Variants in TYW1 observed in about 807,000 individuals in gnomAD.
The protein encoded by TYW1 is tRNA-yW synthesizing protein 1 homolog, also known as S-adenosyl-L-methionine-dependent tRNA 4-demethylwyosine synthase TYW1.
In TYW1, 46 loss-of-function variants were observed where a neutral mutation model predicts 96.2. That is an observed-to-expected ratio of 0.48 (90% CI 0.38 to 0.61). The LOEUF (loss-of-function observed/expected upper bound fraction) is 0.61. TYW1 is among the 20% of genes least tolerant of loss of function. TYW1 has a pLI of 0.00. For synonymous variants in TYW1, 274 were observed against 323.0 expected (o/e 0.85, Z 1.63); for missense variants, 684 against 909.6 (o/e 0.75, Z 3.19).
Position 67,120,806 on chromosome 7 carries a change from G to A in TYW1, c.1698+3188G>A, listed in dbSNP as rs1036273537. 5.9e-5 allele frequency among the ~76,000 whole-genome samples: 9 copies of A among 152,308 alleles called. No homozygotes were observed. The East Asian group carries it at 1.5e-3, about 26-fold the overall frequency. ...TTACCTCAAAGTCACTAGCCTTTGG[G>A]TGATGAATTCAATTGTAATTACTTT... On this transcript the variant is annotated intron_variant, in intron 13 of 15. Transcript: ENST00000359626.
chr7:67,166,333 A>ATATATAATATATATTATATAT (rs1563051222), intron 13 of TYW1, among the ~76,000 whole-genome samples: 2 of 126,702 alleles, frequency 1.6e-5, no homozygotes, highest in Admixed American at 1.6e-4. Flanking sequence ...AACATATATA[A>ATATATAATATATATTATATAT]TATATATAAT....
chr7:67,126,661 T>C (rs2116030006), intron 13 of TYW1, among the ~76,000 whole-genome samples: 1 of 152,372 alleles, frequency 6.6e-6, no homozygotes, highest in African/African-American at 2.4e-5. Flanking sequence ...GGTGTTCGTC[T>C]AGATTCTTTT....
chr7:67,118,659 C>A (rs1465583743), intron 13 of TYW1, among the ~76,000 whole-genome samples: 4 of 151,436 alleles, frequency 2.6e-5, no homozygotes, highest in Non-Finnish European at 4.4e-5. Context: ...CTTTGAGAGG[C>A]CAAGGTGGGC....
chr7:67,037,569 T>C (rs1326179387), intron 7 of TYW1, among the ~76,000 whole-genome samples: 1 of 152,078 alleles, frequency 6.6e-6, no homozygotes, highest in Non-Finnish European at 1.5e-5. Flanking sequence ...AGGTTAATTT[T>C]CCAGGAGCTG....
chr7:67,236,657 T>A (rs1281497189), intron 15 of TYW1, among the ~76,000 whole-genome samples: 3 of 152,210 alleles, frequency 2.0e-5, no homozygotes, highest in Non-Finnish European at 4.4e-5. Context: ...ACCATTTCCA[T>A]GAATGGTCTT....
At chr7:67,218,227 T>C (rs995706723) in intron 15 of TYW1, among the ~76,000 whole-genome samples, 18 of 152,234 alleles carry the variant, frequency 1.2e-4, no homozygotes, top group Admixed American at 1.2e-3. Flanking sequence ...TATTTATGTG[T>C]TCTTTACTTT....
chr7:67,030,820 G>A lies in TYW1; in HGVS notation c.984+5798G>A, dbSNP rs908277648. 5.9e-5 allele frequency among the ~76,000 whole-genome samples: 9 copies of A among 152,116 alleles called. No individual in the cohort carries two copies. The East Asian group carries it at 1.4e-3, about 23-fold the overall frequency. On this transcript the variant is annotated intron_variant, in intron 7 of 15. Coordinates refer to ENST00000359626, the MANE Select transcript of TYW1 (RefSeq NM_018264.4). ...GCCAAAAAGACGTAGGAACCAACTC[G>A]AAGGGTTTCTTACAGGCCAAACTTG...
At chr7:67,136,947 T>C (rs1798281610) in intron 13 of TYW1, among the ~76,000 whole-genome samples, 1 of 151,742 alleles carries the variant, frequency 6.6e-6, no homozygotes, top group African/African-American at 2.4e-5. Context: ...CTCAGCCTCC[T>C]GAGTAGCTGG....
At chr7:67,073,401 T>C (rs961895831) in intron 10 of TYW1, among the ~76,000 whole-genome samples, 2 of 151,878 alleles carry the variant, frequency 1.3e-5, no homozygotes, top group Non-Finnish European at 2.9e-5. Context: ...TGTGCTGAGG[T>C]TGAAATAACC....
intron 14 of TYW1, among the ~76,000 whole-genome samples, chr7:67,190,548 G>GGGTC (rs1800174831): frequency 6.6e-6 from 1 of 152,178 alleles, no homozygotes; most frequent in African/African-American, 2.4e-5. Flanking sequence ...AAGAAATGAT[G>GGGTC]GGTCACTTTA....
At chr7:67,186,198 T>C (rs2687031) in intron 14 of TYW1, among the ~76,000 whole-genome samples, 48,619 of 125,212 alleles carry the variant, frequency 0.39, 9,814 homozygotes, top group African/African-American at 0.51. Flanking sequence ...AATTATGTTG[T>C]AGTAAAACCT....
At position 67,117,549 on chromosome 7, in the gene TYW1, A is replaced by T; in HGVS notation, c.1629A>T (p.Lys543Asn). Residue 543 changes from lysine to asparagine, a missense_variant, in exon 13 of 16, where the codon AAA (lysine) becomes AAT (asparagine). By Grantham distance (94) the Lys-to-Asn change is moderately conservative (BLOSUM62 0). Transcript: ENST00000359626. ...CCAGTACCAAAGACAGCCTGAAGAA[A>T]ATCGACCGCCCACTCTTCAAGGATT... Reference protein sequence around the residue: ...VDASTKDSLKKIDRPLFKDFW... With the variant: ...VDASTKDSLKNIDRPLFKDFW... The T allele has an allele frequency of 6.2e-7, 1 of 1,614,044 alleles. No individual in the cohort carries two copies. The highest frequency in any genetic ancestry group is 8.5e-7 in the Non-Finnish European group (1 of 1,179,974).
intron 13 of TYW1, among the ~76,000 whole-genome samples, chr7:67,135,825 GT>G (rs1798237536): frequency 6.6e-6 from 1 of 152,136 alleles, no homozygotes; most frequent in African/African-American, 2.4e-5. Flanking sequence ...TTGAGACTCT[GT>G]TGTGTTTCAT....
chr7:67,005,414 G>A (rs1043653268), intron 3 of TYW1, among the ~76,000 whole-genome samples: 2 of 152,172 alleles, frequency 1.3e-5, no homozygotes, highest in African/African-American at 2.4e-5. Flanking sequence ...TGTGCAACAT[G>A]GCAAAACTCT....
intron 12 of TYW1, among the ~76,000 whole-genome samples, chr7:67,110,831 C>G (rs2115932980): frequency 6.6e-6 from 1 of 151,978 alleles, no homozygotes; most frequent in African/African-American, 2.4e-5. Context: ...ATAGTGAGAC[C>G]CTGTCTCTAC....
chr7:67,027,378 A>C (rs879641310), intron 7 of TYW1, among the ~76,000 whole-genome samples: 1 of 152,040 alleles, frequency 6.6e-6, no homozygotes, highest in Non-Finnish European at 1.5e-5. Context: ...AGAAGCAATA[A>C]AAAAAATTAA....
chr7:67,228,162 T>A (rs1399549355), intron 15 of TYW1, among the ~76,000 whole-genome samples: 2 of 152,214 alleles, frequency 1.3e-5, no homozygotes, highest in Non-Finnish European at 2.9e-5. Context: ...AGTGTATTAG[T>A]CTTTTCTCAC....
chr7:67,165,107 A>G (rs1799280160), intron 13 of TYW1, among the ~76,000 whole-genome samples: 1 of 151,976 alleles, frequency 6.6e-6, no homozygotes, highest in Admixed American at 6.6e-5. Flanking sequence ...GCTAAACTCT[A>G]GGCAGCACTG....
At chr7:67,051,715 A>G (rs1584503630) in intron 8 of TYW1, among the ~76,000 whole-genome samples, 1 of 145,070 alleles carries the variant, frequency 6.9e-6, no homozygotes, top group Non-Finnish European at 1.5e-5. Flanking sequence ...TGCCTGAAGG[A>G]CTGTTTTTGT....
Sources: allele counts gnomAD v4.1 joint callset (sites outside exome capture counted in the v4.1 genomes callset), GRCh38; gene constraint gnomAD v4.1.1; transcripts MANE v1.5; gene names NCBI Gene and HGNC (gene_info 2026-07-23, HGNC 2026-07-21).